Variants in TPO observed in about 807,000 individuals in gnomAD.
TPO encodes the protein thyroid microsomal antigen.
A neutral mutation model predicts 96.9 loss-of-function variants in TPO; 78 were observed. The ratio of observed to expected loss-of-function variants is 0.81; its 90% CI spans 0.67 to 0.97. The LOEUF (loss-of-function observed/expected upper bound fraction) is 0.97. TPO is among the 50% of genes least tolerant of loss of function. TPO has a pLI of 0.00. For synonymous variants in TPO, 547 were observed against 538.0 expected (o/e 1.02, Z -0.23); for missense variants, 1,252 against 1,274.8 (o/e 0.98, Z 0.27).
Position 1,438,914 on chromosome 2 carries a change from C to A in TPO, c.482+2530C>A, listed in dbSNP as rs189083581. 7.0e-6 allele frequency: 5 copies of A among 709,754 alleles called. No individual in the cohort carries two copies. The Admixed American group carries it at 1.1e-4, about 15-fold the overall frequency. 44.0% of individuals were successfully genotyped at this position (709,754 alleles called of 1,614,324 possible). A position where few individuals can be genotyped will look rare whatever the true frequency, so the allele number is the denominator to read the frequency against. On this transcript the variant is annotated intron_variant, in intron 5 of 16. Coordinates refer to ENST00000329066, the MANE Select transcript of TPO (RefSeq NM_001206744.2). ...AGACCAAATAATGCGAAACTGAAGC[C>A]AGTCAAAGCTTTTCTCCAATGACGT...
intron 10 of TPO, among the ~76,000 whole-genome samples, chr2:1,488,950 C>T (rs117817368): frequency 0.017 from 2,560 of 152,302 alleles, 73 homozygotes; most frequent in East Asian, 0.13. Context: ...GCACACTGTC[C>T]CCCTCACTCC....
intron 10 of TPO, among the ~76,000 whole-genome samples, chr2:1,489,428 C>T (rs1206903099): frequency 6.6e-6 from 1 of 152,216 alleles, no homozygotes; most frequent in East Asian, 1.9e-4. Context: ...GCTAACTGTG[C>T]CACAGAGTGG....
At chr2:1,497,226 A>G (rs1220906641) in intron 13 of TPO, among the ~76,000 whole-genome samples, 3 of 152,078 alleles carry the variant, frequency 2.0e-5, no homozygotes, top group Admixed American at 6.5e-5. Context: ...CCGCATGTTT[A>G]GGTGTGGACA....
intron 5 of TPO, among the ~76,000 whole-genome samples, 158 bp downstream of exon 5, chr2:1,436,542 C>T (rs1025625473): frequency 4.6e-5 from 7 of 152,166 alleles, no homozygotes; most frequent in Non-Finnish European, 1.5e-5. Context: ...CTCCTGCATG[C>T]CTGGTGGTGC....
chr2:1,515,632 C>G (rs979157138), intron 14 of TPO, among the ~76,000 whole-genome samples: 2 of 152,178 alleles, frequency 1.3e-5, no homozygotes, highest in Non-Finnish European at 2.9e-5. Flanking sequence ...GATAGGAAGA[C>G]AGCCATGGAC....
At chr2:1,374,566 A>G (rs1322293695) in intron 1 of TPO, among the ~76,000 whole-genome samples, 1 of 152,188 alleles carries the variant, frequency 6.6e-6, no homozygotes, top group Non-Finnish European at 1.5e-5. Flanking sequence ...TCTTCTTTCC[A>G]GGACAAGCAT....
At chr2:1,478,235 G>A (rs1470800457) in intron 8 of TPO, 3 of 985,298 alleles carry the variant, frequency 3.0e-6, no homozygotes, top group South Asian at 9.4e-5. Context: ...TTGTGTGATG[G>A]AGAAAAGCAC....
intron 10 of TPO, among the ~76,000 whole-genome samples, chr2:1,493,209 T>TGGGGGGGGGGGGG (rs3036079): frequency 1.7e-4 from 3 of 17,490 alleles, no homozygotes; most frequent in Admixed American, 7.3e-4. Flanking sequence ...TGTGAGTGGG[T>TGGGGGGGGGGGGG]GGGGGGGGGG....
chr2:1,526,960 C>G (rs72776258), intron 15 of TPO, among the ~76,000 whole-genome samples: 15,971 of 133,818 alleles, frequency 0.12, 1,151 homozygotes, highest in Non-Finnish European at 0.13. Context: ...CCCCCACACT[C>G]TGTGCAACCT....
Position 1,414,348 on chromosome 2 carries a change from C to A in TPO, c.-1-60C>A, listed in dbSNP as rs28909988. 2,689 of 1,489,132 alleles carry A rather than the reference C, an allele frequency of 1.8e-3. 31 individuals carry two copies. The African/African-American group carries it at 0.026, about 14-fold the overall frequency. The allele number at this position is 1,489,132 out of a possible 1,614,324, so 92.2% of individuals were successfully genotyped here. A position where few individuals can be genotyped will look rare whatever the true frequency, so the allele number is the denominator to read the frequency against. Reference sequence around the variant, plus strand: ...CCTCAGCAGGGAGACAAGGACACAGCGGTTCCCATGGCCTTGTCAGTGCTT... The same window carrying A: ...CCTCAGCAGGGAGACAAGGACACAGAGGTTCCCATGGCCTTGTCAGTGCTT... On this transcript the variant is annotated intron_variant, in intron 1 of 16. Coordinates refer to ENST00000329066, the MANE Select transcript of TPO (RefSeq NM_001206744.2).
intron 9 of TPO, among the ~76,000 whole-genome samples, chr2:1,487,063 C>G (rs2361748): frequency 0.15 from 22,472 of 152,188 alleles, 2,233 homozygotes; most frequent in African/African-American, 0.27. Flanking sequence ...TGAGATAGAC[C>G]GACCCTGACA....
At position 1,477,287 on chromosome 2, in the gene TPO, C is replaced by T. The variant is rs369225819; in HGVS notation, c.1021C>T (p.Arg341Trp). Residue 341 changes from arginine (R) to tryptophan (W), a missense_variant, in exon 8 of 17, where the codon CGG becomes TGG. Transcript: ENST00000329066. ...GSSPALERQLRNWTSAEGLLR... is the reference protein window; with the variant it reads ...GSSPALERQLWNWTSAEGLLR... ...CTCCCCGGCCCTAGAGAGGCAGCTG[C>T]GGAACTGGACCAGTGCCGAAGGGCT... 2.1e-5 allele frequency: 33 copies of T among 1,594,252 alleles called. No individual in the cohort carries two copies. The highest frequency in any genetic ancestry group is 2.7e-5 in the Non-Finnish European group (32 of 1,172,034).
chr2:1,528,167 A>C (rs1677069799), intron 15 of TPO, among the ~76,000 whole-genome samples: 1 of 114,348 alleles, frequency 8.7e-6, no homozygotes, highest in Non-Finnish European at 1.7e-5. Flanking sequence ...AATCTCACCC[A>C]CTGTGAGCAA....
intron 14 of TPO, 95 bp downstream of exon 14, chr2:1,504,174 C>A: frequency 8.2e-6 from 13 of 1,593,714 alleles, no homozygotes; most frequent in Non-Finnish European, 1.0e-5. Flanking sequence ...CAATCACCAT[C>A]TTGATTGGGA....
At chr2:1,495,197 A>G (rs569251000) in intron 11 of TPO, among the ~76,000 whole-genome samples, 6 of 152,166 alleles carry the variant, frequency 3.9e-5, no homozygotes, top group South Asian at 2.1e-4. Context: ...TATCTCCCCA[A>G]TGCAAAAATG....
chr2:1,536,628 A>C (rs1679706796), intron 15 of TPO, among the ~76,000 whole-genome samples: 2 of 30,318 alleles, frequency 6.6e-5, no homozygotes, highest in East Asian at 1.1e-3. Context: ...TAGCTTTGTG[A>C]AACCTCCCCA....
chr2:1,449,279 A>T (rs1667113086), intron 5 of TPO, among the ~76,000 whole-genome samples: 1 of 152,248 alleles, frequency 6.6e-6, no homozygotes, highest in Admixed American at 6.5e-5. Flanking sequence ...TGCATCTCCC[A>T]TCCAGATATT....
chr2:1,432,424 G>A (rs1665071490), intron 3 of TPO, among the ~76,000 whole-genome samples: 1 of 152,258 alleles, frequency 6.6e-6, no homozygotes, highest in Admixed American at 6.5e-5. Context: ...AGCTGCTGCT[G>A]CTGAGAATCT....
chr2:1,495,885 G>A (rs542447240), intron 11 of TPO, 104 bp from the exon 12 acceptor site: 40 of 1,326,914 alleles, frequency 3.0e-5, no homozygotes, highest in South Asian at 1.3e-4. Context: ...GGCAGACGCC[G>A]CAGGAGAGGC....
Sources: gnomAD v4.1 joint callset for allele counts (sites outside exome capture counted in the v4.1 genomes callset) on GRCh38, gnomAD v4.1.1 for gene constraint, MANE v1.5 for transcripts, NCBI Gene and HGNC (gene_info 2026-07-23, HGNC 2026-07-21) for gene names.